The following HTR6 variants were observed in gnomAD, a reference collection of about 807,000 sequenced individuals.
The protein encoded by HTR6 is 5-hydroxytryptamine receptor 6, also known as 5-hydroxytryptamine (serotonin) receptor 6, G protein-coupled.
HTR6 carries 15 observed loss-of-function variants against 17.4 expected under a neutral mutation model. That is an observed-to-expected ratio of 0.86 (90% CI 0.58 to 1.33). The LOEUF is 1.33. Ranked by LOEUF, HTR6 falls within the 40% of genes most tolerant of loss-of-function variation. The pLI, the probability that HTR6 is intolerant of heterozygous loss-of-function variation, is 0.00. For missense variants in HTR6, 578 were observed against 616.0 expected, an observed-to-expected ratio of 0.94 and a Z score of 0.65; for synonymous variants, 326 against 295.5, an observed-to-expected ratio of 1.10 and a Z score of -1.06.
rs149981613 is a variant in HTR6, at chr1:19,679,034, C to G, written c.989C>G (p.Ala330Gly). 1 of 1,614,130 alleles carries G rather than the reference C, an allele frequency of 6.2e-7. No homozygotes were observed. Among genetic ancestry groups the G allele is most frequent in the South Asian group, 1.1e-5 (1 of 91,092 alleles). Residue 330 changes from alanine to glycine, a missense_variant, in exon 3 of 3, where the codon GCG becomes GGG. Physicochemically the swap from Ala to Gly is moderately conservative, Grantham distance 60. Coordinates refer to ENST00000289753, the MANE Select transcript of HTR6 (RefSeq NM_000871.3). This position sits in a 1 kb window ranked among gnomAD's most constrained non-coding sequence, Gnocchi z 4.9. ...YPLFMRDFKR[A>G]LGRFLPCPRC... Reference sequence around the variant, plus strand: ...CTCTTCATGCGGGACTTCAAGCGGGCGCTGGGCAGGTTCCTGCCATGTCCA... The same window carrying G: ...CTCTTCATGCGGGACTTCAAGCGGGGGCTGGGCAGGTTCCTGCCATGTCCA...
chr1:19,669,309 C>T (rs2095085083), intron 1 of HTR6, among the ~76,000 whole-genome samples: 1 of 152,174 alleles, frequency 6.6e-6, no homozygotes, highest in South Asian at 2.1e-4. Context: ...CAGGTGCTAA[C>T]AGCTGCAGCC....
Position 19,679,020 on chromosome 1 carries a change from G to C in HTR6, c.975G>C (p.Arg325=). ...MNPIIYPLFM[R]DFKRALGRFL... ...CCATCATCTACCCACTCTTCATGCGGGACTTCAAGCGGGCGCTGGGCAGGT... is the reference window on the plus strand; with the variant it reads ...CCATCATCTACCCACTCTTCATGCGCGACTTCAAGCGGGCGCTGGGCAGGT... The change falls in exon 3 of 3, where the codon CGG becomes CGC. Residue 325 remains arginine, a synonymous_variant. Coordinates refer to ENST00000289753, the MANE Select transcript of HTR6 (RefSeq NM_000871.3). The surrounding 1 kb of genome is among the most constrained non-coding windows in gnomAD (Gnocchi z 4.9). 6.2e-7 allele frequency: 1 copy of C among 1,614,172 alleles called. No homozygotes were observed.
chr1:19,669,969 A>T (rs2095086203), intron 1 of HTR6, among the ~76,000 whole-genome samples: 1 of 151,648 alleles, frequency 6.6e-6, no homozygotes, highest in Non-Finnish European at 1.5e-5. Context: ...CTCCCTTTCA[A>T]CCTTCCGCAG....
At position 19,665,762 on chromosome 1, in the gene HTR6, A is replaced by C. The variant is rs1471592375; in HGVS notation, c.9A>C (p.Pro3=). MV[P]EPGPTANSTP... ...GTCCACCCTCGGTCCTCATGGTCCC[A>C]GAGCCGGGCCCAACCGCCAATAGCA... The change falls in exon 1 of 3, where the codon CCA becomes CCC. Residue 3 remains proline (P), a synonymous_variant. Transcript: ENST00000289753. This position sits in a 1 kb window ranked among gnomAD's most constrained non-coding sequence, Gnocchi z 4.2. 2.0e-6 allele frequency: 3 copies of C among 1,491,502 alleles called. No homozygotes were observed. Among genetic ancestry groups the C allele is most frequent in the Non-Finnish European group, 2.7e-6 (3 of 1,127,988 alleles). 92.4% of individuals were successfully genotyped at this position (1,491,502 alleles called of 1,614,324 possible). A position where few individuals can be genotyped will look rare whatever the true frequency, so the allele number is the denominator to read the frequency against.
In HTR6 at chr1:19,679,293, C is replaced by CGCCGT; in HGVS notation, c.1249_1253dup (p.Asn419ProfsTer37). The CGCCGT allele has an allele frequency of 6.2e-7, 1 of 1,607,908 alleles. No individual in the cohort carries two copies. The highest frequency in any genetic ancestry group is 8.5e-7 in the Non-Finnish European group (1 of 1,178,182). ...CCCCGCTGCCCACCAGGGCCGCTGC[C>CGCCGT]GCCGTCAATTTCTTCAACATCGACC... On this transcript the variant is annotated frameshift_variant, in exon 3 of 3. Transcript: ENST00000289753. LOFTEE classifies it low-confidence loss of function (END_TRUNC). The surrounding 1 kb of genome is among the most constrained non-coding windows in gnomAD (Gnocchi z 4.9).
intron 1 of HTR6, among the ~76,000 whole-genome samples, chr1:19,668,598 TTTTA>T (rs1415156248): frequency 2.6e-5 from 4 of 152,276 alleles, no homozygotes; most frequent in African/African-American, 9.6e-5. Context: ...GCACTTGGCA[TTTTA>T]TTTATTTATT....
At chr1:19,676,454 C>A (rs1448970307) in intron 1 of HTR6, among the ~76,000 whole-genome samples, 1 of 152,138 alleles carries the variant, frequency 6.6e-6, no homozygotes, top group African/African-American at 2.4e-5. Context: ...TTTGTACAAC[C>A]AGATTTCATG....
intron 2 of HTR6, 81 bp downstream of exon 2, chr1:19,678,806 A>C (rs951355051): frequency 1.3e-6 from 2 of 1,562,252 alleles, no homozygotes; most frequent in Admixed American, 3.5e-5. Flanking sequence ...GGGACAGGGG[A>C]GGGTAGGCTG....
At chr1:19,671,857 A>AG (rs1019562892) in intron 1 of HTR6, among the ~76,000 whole-genome samples, 24 of 152,292 alleles carry the variant, frequency 1.6e-4, no homozygotes, top group African/African-American at 5.5e-4. Flanking sequence ...GATTTCCACT[A>AG]GGTCTTCCCA....
chr1:19,665,667 C>G lies in HTR6; in HGVS notation c.-87C>G, dbSNP rs951135855. ...GTGAGTCGCGGTCTGTTCTCACGGA[C>G]GGTCCCCGTCCAGCCTGCGCTTCGC... On this transcript the variant is annotated 5_prime_UTR_variant, in exon 1 of 3. Transcript: ENST00000289753. This position sits in a 1 kb window ranked among gnomAD's most constrained non-coding sequence, Gnocchi z 4.2. 2 of 881,890 alleles carry G rather than the reference C, an allele frequency of 2.3e-6. No homozygotes were observed. The highest frequency in any genetic ancestry group is 3.4e-6 in the Non-Finnish European group (2 of 590,166). The allele number at this position is 881,890 out of a possible 1,614,324, so 54.6% of individuals were successfully genotyped here. A position where few individuals can be genotyped will look rare whatever the true frequency, so the allele number is the denominator to read the frequency against.
In HTR6 at chr1:19,665,857, T is replaced by A; in HGVS notation, c.104T>A (p.Val35Glu). 6.3e-7 allele frequency: 1 copy of A among 1,594,042 alleles called. No homozygotes were observed. Among genetic ancestry groups the A allele is most frequent in the Non-Finnish European group, 8.5e-7 (1 of 1,170,924 alleles). Residue 35 changes from valine to glutamate, a missense_variant, in exon 1 of 3, where the codon GTG (valine) becomes GAG (glutamate). Coordinates refer to ENST00000289753, the MANE Select transcript of HTR6 (RefSeq NM_000871.3). The surrounding 1 kb of genome is among the most constrained non-coding windows in gnomAD (Gnocchi z 4.2). Reference protein sequence around the residue: ...GSGWVAAALCVVIALTAAANS... With the variant: ...GSGWVAAALCEVIALTAAANS... The stretch of plus-strand genomic sequence containing the variant: ...GGCTGGGTGGCGGCCGCGCTGTGCG[T>A]GGTCATCGCGCTGACGGCGGCGGCC...
At chr1:19,671,474 C>T (rs1319829111) in intron 1 of HTR6, among the ~76,000 whole-genome samples, 1 of 152,220 alleles carries the variant, frequency 6.6e-6, no homozygotes, top group Non-Finnish European at 1.5e-5. Flanking sequence ...GGTGAACGGC[C>T]TGCACTTTGG....
In HTR6 at chr1:19,680,107, C is replaced by G; in HGVS notation, c.*739C>G. Among the ~76,000 whole-genome samples, 1 of 152,192 alleles carries G rather than the reference C, an allele frequency of 6.6e-6. No homozygotes were observed. Among genetic ancestry groups the G allele is most frequent in the South Asian group, 2.1e-4 (1 of 4,830 alleles). ...CACGAGTTATTTAACCTCTCCGAGC[C>G]TCGGTTATCCCATGTGTAAGGTAGA... On this transcript the variant is annotated 3_prime_UTR_variant, in exon 3 of 3. Coordinates refer to ENST00000289753, the MANE Select transcript of HTR6 (RefSeq NM_000871.3).
rs1292385945 is a variant in HTR6, at chr1:19,680,035, C to T, written c.*667C>T. Among the ~76,000 whole-genome samples the T allele has an allele frequency of 6.6e-6, 1 of 152,148 alleles. No individual in the cohort carries two copies. Among genetic ancestry groups the T allele is most frequent in the Non-Finnish European group, 1.5e-5 (1 of 68,016 alleles). ...CAGCTGCACCTGGGAGGCAGGCAGG[C>T]ATGCATGTGGGCCTCTGCTCTACCA... On this transcript the variant is annotated 3_prime_UTR_variant, in exon 3 of 3. Coordinates refer to ENST00000289753, the MANE Select transcript of HTR6 (RefSeq NM_000871.3).
chr1:19,666,061 C>T lies in HTR6; in HGVS notation c.308C>T (p.Thr103Ile). The change falls in exon 1 of 3, where the codon ACC becomes ATC. Residue 103 changes from threonine (T) to isoleucine (I), a missense_variant. Physicochemically the swap from Thr to Ile is moderately conservative, Grantham distance 89 (BLOSUM62 -1). Coordinates refer to ENST00000289753, the MANE Select transcript of HTR6 (RefSeq NM_000871.3). This position sits in a 1 kb window ranked among gnomAD's most constrained non-coding sequence, Gnocchi z 4.5. The stretch of plus-strand genomic sequence containing the variant: ...GCGCGCGGCCTCTGCCTGCTCTGGA[C>T]CGCCTTCGACGTGATGTGCTGCAGC... ...VLARGLCLLWTAFDVMCCSAS... is the reference protein window; with the variant it reads ...VLARGLCLLWIAFDVMCCSAS... 6.2e-7 allele frequency: 1 copy of T among 1,613,262 alleles called. No homozygotes were observed. Among genetic ancestry groups the T allele is most frequent in the Non-Finnish European group, 8.5e-7 (1 of 1,179,840 alleles).
rs187800989 is a variant in HTR6, at chr1:19,677,106, A to G, written c.715-1461A>G. On this transcript the variant is annotated intron_variant, in intron 1 of 2. Transcript: ENST00000289753. ...GGACTCCTAGGGGTTTCTGGTGGAAACCTAGAGACTTCAAGGTCATCTCTG... is the reference window on the plus strand; with the variant it reads ...GGACTCCTAGGGGTTTCTGGTGGAAGCCTAGAGACTTCAAGGTCATCTCTG... Among the ~76,000 whole-genome samples, 390 of 152,302 alleles carry G rather than the reference A, an allele frequency of 2.6e-3. 1 individual carries two copies. Among genetic ancestry groups the G allele is most frequent in the Non-Finnish European group, 4.7e-3 (319 of 68,028 alleles).
At chr1:19,673,288 G>A (rs936507110) in intron 1 of HTR6, among the ~76,000 whole-genome samples, 1 of 152,358 alleles carries the variant, frequency 6.6e-6, no homozygotes, top group Admixed American at 6.5e-5. Flanking sequence ...GAAAGTGGAA[G>A]CATAGATGAA....
rs2095080831 is a variant in HTR6, at chr1:19,665,857, T to G, written c.104T>G (p.Val35Gly). The G allele has an allele frequency of 5.0e-6, 8 of 1,594,042 alleles. No homozygotes were observed. The highest frequency in any genetic ancestry group is 6.8e-6 in the Non-Finnish European group (8 of 1,170,924). Residue 35 changes from valine (V) to glycine (G), a missense_variant, in exon 1 of 3, where the codon GTG (valine) becomes GGG (glycine). Val to Gly is a moderately radical substitution (Grantham distance 109). Coordinates refer to ENST00000289753, the MANE Select transcript of HTR6 (RefSeq NM_000871.3). The surrounding 1 kb of genome is among the most constrained non-coding windows in gnomAD (Gnocchi z 4.2). ...GSGWVAAALC[V>G]VIALTAAANS... ...GGCTGGGTGGCGGCCGCGCTGTGCG[T>G]GGTCATCGCGCTGACGGCGGCGGCC...
Position 19,678,640 on chromosome 1 carries a change from C to CTGT in HTR6, c.788_789insTGT (p.Ala263_Leu264insVal). 6.2e-7 allele frequency: 1 copy of CTGT among 1,613,734 alleles called. No homozygotes were observed. The highest frequency in any genetic ancestry group is 8.5e-7 in the Non-Finnish European group (1 of 1,179,994). ...CTAGCCACGAAGCACAGCAGGAAGGCCCTGAAGGCCAGCCTGACGCTGGGC... is the reference window on the plus strand; with the variant it reads ...CTAGCCACGAAGCACAGCAGGAAGGCTGTCCTGAAGGCCAGCCTGACGCTGGGC... On this transcript the variant is annotated inframe_insertion, in exon 2 of 3. Transcript: ENST00000289753.
Sources: allele counts gnomAD v4.1 joint callset (sites outside exome capture counted in the v4.1 genomes callset), GRCh38; gene constraint gnomAD v4.1.1; non-coding constraint Gnocchi (gnomAD v3.1); transcripts MANE v1.5; gene names NCBI Gene and HGNC (gene_info 2026-07-23, HGNC 2026-07-21).